Variants in SLC41A1 observed in about 807,000 individuals in gnomAD.
SLC41A1 encodes the protein solute carrier family 41 member 1.
SLC41A1 carries 20 observed loss-of-function variants against 47.3 expected under a neutral mutation model. That is an observed-to-expected ratio of 0.42 (90% CI 0.30 to 0.61). The LOEUF (loss-of-function observed/expected upper bound fraction) is 0.61, where lower values mean the gene tolerates loss of function less well. Ranked by LOEUF, SLC41A1 falls within the 20% of genes least tolerant of loss-of-function variation. The probability of loss-of-function intolerance (pLI) is 0.17; values close to 1 mark genes in which losing one functional copy is unlikely to be tolerated. For missense variants in SLC41A1, 504 were observed against 674.1 expected (o/e 0.75, Z 2.79); for synonymous variants, 282 against 272.7 (o/e 1.03, Z -0.34).
intron 1 of SLC41A1, among the ~76,000 whole-genome samples, chr1:205,812,333 C>G (rs918662812): frequency 6.6e-6 from 1 of 152,236 alleles, no homozygotes; most frequent in Non-Finnish European, 1.5e-5. Flanking sequence ...AGTCACCCAC[C>G]AGGACTCCCT....
chr1:205,812,823 G>C lies in SLC41A1; in HGVS notation c.-662C>G. ...CAGGACTGACCTGCCCCTCGCCTGGGAGGAAGGGGGGCGCCTGGCAAGTGG... is the reference window on the plus strand; with the variant it reads ...CAGGACTGACCTGCCCCTCGCCTGGCAGGAAGGGGGGCGCCTGGCAAGTGG... On this transcript the variant is annotated 5_prime_UTR_variant, in exon 1 of 11. Transcript: ENST00000367137. 1 of 985,230 alleles carries C rather than the reference G, an allele frequency of 1.0e-6. No homozygotes were observed. Among genetic ancestry groups the C allele is most frequent in the South Asian group, 4.7e-5 (1 of 21,258 alleles). The allele number at this position is 985,230 out of a possible 1,614,324, so 61.0% of individuals were successfully genotyped here.
At chr1:205,799,223 C>A (rs1235340172) in intron 4 of SLC41A1, 122 bp from the exon 5 acceptor site, 5 of 1,310,572 alleles carry the variant, frequency 3.8e-6, no homozygotes, top group Non-Finnish European at 3.2e-6. Context: ...GGCTGGACTG[C>A]ATGGTCCAGT....
In SLC41A1 at chr1:205,790,495, T is replaced by C. The variant is rs767396925; in HGVS notation, c.*1038A>G. On this transcript the variant is annotated 3_prime_UTR_variant, in exon 11 of 11. Coordinates refer to ENST00000367137, the MANE Select transcript of SLC41A1 (RefSeq NM_173854.6). ...CAAGAAAGAGGAAAACTGACCTCTA[T>C]GGCATGACAGAACGAGTAATTTTAG... The C allele has an allele frequency of 1.3e-5, 2 of 152,220 alleles. No homozygotes were observed. Among genetic ancestry groups the C allele is most frequent in the Non-Finnish European group, 2.9e-5 (2 of 68,026 alleles). 9.4% of individuals were successfully genotyped at this position (152,220 alleles called of 1,614,324 possible). A position where few individuals can be genotyped will look rare whatever the true frequency, so the allele number is the denominator to read the frequency against.
At position 205,799,949 on chromosome 1, in the gene SLC41A1, A is replaced by T; in HGVS notation, c.481-119T>A. 4.8e-6 allele frequency: 4 copies of T among 837,528 alleles called. No homozygotes were observed. In the South Asian group the frequency reaches 5.8e-5, roughly 12 times the overall value. The allele number at this position is 837,528 out of a possible 1,614,324, so 51.9% of individuals were successfully genotyped here. ...TGTGGCCTAAGACTCTGAGAGCAGG[A>T]CCTGACAGTCCCGGAAAGGTGAAGC... On this transcript the variant is annotated intron_variant, in intron 3 of 10. Transcript: ENST00000367137.
At chr1:205,795,714 T>C in intron 8 of SLC41A1, 2 of 600,950 alleles carry the variant, frequency 3.3e-6, no homozygotes, top group East Asian at 2.9e-5. Flanking sequence ...CTCCCCTCTA[T>C]GGAGATGCAG....
Position 205,795,813 on chromosome 1 carries a change from G to A in SLC41A1, c.1073-335C>T, listed in dbSNP as rs971014976. The A allele has an allele frequency of 4.1e-5, 17 of 413,234 alleles. No homozygotes were observed. In the Admixed American group the frequency reaches 6.1e-4, roughly 15 times the overall value. The allele number at this position is 413,234 out of a possible 1,614,324, so 25.6% of individuals were successfully genotyped here. Reference sequence around the variant, plus strand: ...CTCAGAGAGCCTGACTTCTCCACCAGTAGAGCATGGGCACCTGCCTTCCTA... The same window carrying A: ...CTCAGAGAGCCTGACTTCTCCACCAATAGAGCATGGGCACCTGCCTTCCTA... On this transcript the variant is annotated intron_variant, in intron 8 of 10. Coordinates refer to ENST00000367137, the MANE Select transcript of SLC41A1 (RefSeq NM_173854.6).
In SLC41A1 at chr1:205,811,077, G is replaced by A. The variant is rs1656142665; in HGVS notation, c.-636C>T. 1 of 154,594 alleles carries A rather than the reference G, an allele frequency of 6.5e-6. No individual in the cohort carries two copies. The highest frequency in any genetic ancestry group is 6.4e-5 in the Admixed American group (1 of 15,740). The allele number at this position is 154,594 out of a possible 1,614,324, so 9.6% of individuals were successfully genotyped here. On this transcript the variant is annotated 5_prime_UTR_variant, in exon 2 of 11. Transcript: ENST00000367137. Reference sequence around the variant, plus strand: ...CTGGTCCTTAAAGTCACGAGAATCAGTGTGGAACACCTTATGTGGGAAGGA... The same window carrying A: ...CTGGTCCTTAAAGTCACGAGAATCAATGTGGAACACCTTATGTGGGAAGGA...
At chr1:205,794,826 G>A (rs763940967) in intron 10 of SLC41A1, 44 bp downstream of exon 10, 4 of 1,611,336 alleles carry the variant, frequency 2.5e-6, no homozygotes, top group Non-Finnish European at 3.4e-6. Flanking sequence ...TCCCTGCAGG[G>A]CATCCTGGCT....
rs183989568 is a variant in SLC41A1 at position 205,791,951 on chromosome 1, G to A, written c.1357-233C>T. ...TCTTTAGAAAGGAAGATGCTGCTAC[G>A]ACCCAGGGTCACCCACATCAGCATT... On this transcript the variant is annotated intron_variant, in intron 10 of 10. Transcript: ENST00000367137. The surrounding 1 kb of genome is among the most constrained non-coding windows in gnomAD (Gnocchi z 4.0). Among the ~76,000 whole-genome samples, 166 of 152,292 alleles carry A rather than the reference G, an allele frequency of 1.1e-3. No individual in the cohort carries two copies. The highest frequency in any genetic ancestry group is 3.6e-3 in the African/African-American group (151 of 41,554).
chr1:205,791,697 C>T lies in SLC41A1; in HGVS notation c.1378G>A (p.Ala460Thr), dbSNP rs777624232. 1.4e-5 allele frequency: 23 copies of T among 1,613,700 alleles called. No homozygotes were observed. The Admixed American group carries it at 2.5e-4, about 18-fold the overall frequency. ...LLQVLILLYI[A>T]DWMVHWMWGR... Reference sequence around the variant, plus strand: ...CACATCCAGTGCACCATCCAGTCTGCGATGTACAGGAGAATCAGCACCTGG... The same window carrying T: ...CACATCCAGTGCACCATCCAGTCTGTGATGTACAGGAGAATCAGCACCTGG... Residue 460 changes from alanine (A) to threonine (T), a missense_variant, in exon 11 of 11, where the codon GCA becomes ACA. By Grantham distance (58) the Ala-to-Thr change is moderately conservative. This residue lies in a region of SLC41A1 where 421 missense variants were observed against 601.6 expected (regional missense o/e 0.70). Transcript: ENST00000367137. The surrounding 1 kb of genome is among the most constrained non-coding windows in gnomAD (Gnocchi z 4.0).
chr1:205,798,938 T>C lies in SLC41A1; in HGVS notation c.697+19A>G. 6.2e-7 allele frequency: 1 copy of C among 1,614,126 alleles called. No homozygotes were observed. Among genetic ancestry groups the C allele is most frequent in the South Asian group, 1.1e-5 (1 of 91,084 alleles). The stretch of plus-strand genomic sequence containing the variant: ...TCTGGGGCGGCACTCCTTACTCCTC[T>C]ATGCCCTCCCTTTCTTACCCAGTAC... On this transcript the variant is annotated intron_variant, in intron 5 of 10. Coordinates refer to ENST00000367137, the MANE Select transcript of SLC41A1 (RefSeq NM_173854.6).
intron 1 of SLC41A1, 108 bp downstream of exon 1, chr1:205,812,700 G>A (rs1265766140): frequency 7.2e-6 from 7 of 974,798 alleles, no homozygotes; most frequent in Non-Finnish European, 8.5e-6. Context: ...GAAAGTAACT[G>A]GGTGGCCTCC....
In SLC41A1 at chr1:205,795,381, G is replaced by C. The variant is rs1478844132; in HGVS notation, c.1170C>G (p.Arg390=). ...AGGTGGTACAAGGACTGGGACAGCG[G>C]CGAGGAGCTTGCTCAGAGTTCTCTC... is the stretch of plus-strand genomic sequence containing the variant. ...MPGENSEQAP[R]RCPSPCTTFF... is the part of the protein sequence containing the mutation. Residue 390 remains arginine, a synonymous_variant, in exon 9 of 11, where the codon CGC becomes CGG. Coordinates refer to ENST00000367137, the MANE Select transcript of SLC41A1 (RefSeq NM_173854.6). 1 of 1,614,210 alleles carries C rather than the reference G, an allele frequency of 6.2e-7. No homozygotes were observed.
rs1655833464 is a variant in SLC41A1, at chr1:205,799,778, C to A, written c.533G>T (p.Gly178Val). Residue 178 changes from glycine (G) to valine (V), a missense_variant, in exon 4 of 11, where the codon GGG (glycine) becomes GTG (valine). This residue lies in a region of SLC41A1 where 421 missense variants were observed against 601.6 expected (regional missense o/e 0.70). Coordinates refer to ENST00000367137, the MANE Select transcript of SLC41A1 (RefSeq NM_173854.6). ...TCTTACCTGGATGAGGGCCATGTTC[C>A]CAGTGATCATCCGCCAGAGCTCCTT... The part of the protein sequence containing the change: ...TPKELWRMIT[G>V]NMALIQVQAT... 1 of 1,614,038 alleles carries A rather than the reference C, an allele frequency of 6.2e-7. No homozygotes were observed. The highest frequency in any genetic ancestry group is 1.3e-5 in the African/African-American group (1 of 74,930).
intron 2 of SLC41A1, among the ~76,000 whole-genome samples, chr1:205,803,037 C>T (rs546366065): frequency 2.0e-4 from 31 of 152,082 alleles, no homozygotes; most frequent in African/African-American, 3.4e-4. Flanking sequence ...GGAATGGTGG[C>T]GCACACCTGT....
chr1:205,798,107 C>T (rs952943535), intron 6 of SLC41A1, 56 bp from the exon 7 acceptor site: 1 of 1,612,140 alleles, frequency 6.2e-7, no homozygotes, highest in Non-Finnish European at 8.5e-7. Flanking sequence ...CCCTAAGTTT[C>T]TCCCTGGCTC....
At chr1:205,809,741 C>A (rs1176978643) in intron 2 of SLC41A1, among the ~76,000 whole-genome samples, 1 of 152,142 alleles carries the variant, frequency 6.6e-6, no homozygotes, top group African/African-American at 2.4e-5. Context: ...ATGTCTCCTA[C>A]TGAGCTGGGC....
At chr1:205,803,984 GAA>G (rs1225001721) in intron 2 of SLC41A1, among the ~76,000 whole-genome samples, 2 of 152,162 alleles carry the variant, frequency 1.3e-5, no homozygotes, top group African/African-American at 4.8e-5. Context: ...GGGGAGCAGG[GAA>G]AAGAGTGAGT....
At position 205,798,026 on chromosome 1, in the gene SLC41A1, C is replaced by T; in HGVS notation, c.870G>A (p.Leu290=). ...ELNHWRYIYP[L]VCAFFVALLP... is the part of the protein sequence containing the mutation. ...GCAGGGCCACAAAGAAAGCACACAC[C>T]AGTGGGTAGATGTATCGCCAGTGAT... is the stretch of plus-strand genomic sequence containing the variant. The change falls in exon 7 of 11, where the codon CTG becomes CTA. Residue 290 remains leucine, a synonymous_variant. Transcript: ENST00000367137. 6.2e-7 allele frequency: 1 copy of T among 1,614,158 alleles called. No individual in the cohort carries two copies. Among genetic ancestry groups the T allele is most frequent in the Non-Finnish European group, 8.5e-7 (1 of 1,180,044 alleles).
Sources: allele counts gnomAD v4.1 joint callset (sites outside exome capture counted in the v4.1 genomes callset), GRCh38; gene constraint gnomAD v4.1.1; regional missense constraint gnomAD v4.1.1; non-coding constraint Gnocchi (gnomAD v3.1); transcripts MANE v1.5; gene names NCBI Gene and HGNC (gene_info 2026-07-23, HGNC 2026-07-21).